The following SHANK2 variants were observed in gnomAD, a reference collection of about 807,000 sequenced individuals.
The protein encoded by SHANK2 is SH3 and multiple ankyrin repeat domains 2.
In SHANK2, 43 loss-of-function variants were observed where a neutral mutation model predicts 133.7. The observed-to-expected ratio is 0.32, with a 90% CI of 0.25 to 0.41. The LOEUF (loss-of-function observed/expected upper bound fraction) is 0.41. SHANK2 is among the 10% of genes least tolerant of loss of function. SHANK2 has a pLI of 1.00. For synonymous variants in SHANK2, 1,017 were observed against 952.8 expected (o/e 1.07, Z -1.24); for missense variants, 1,994 against 2,235.8 (o/e 0.89, Z 2.18).
chr11:71,185,138 G>C (rs1284541346), intron 2 of SHANK2, among the ~76,000 whole-genome samples: 4 of 152,124 alleles, frequency 2.6e-5, no homozygotes, highest in Non-Finnish European at 4.4e-5. Flanking sequence ...ACCATTATAG[G>C]CTACCATGAT....
intron 17 of SHANK2, among the ~76,000 whole-genome samples, chr11:70,564,990 T>C (rs2059950716): frequency 6.6e-6 from 1 of 152,246 alleles, no homozygotes; most frequent in South Asian, 2.1e-4. Flanking sequence ...ATGATTCTTT[T>C]AATATCCTTG....
At position 71,210,214 on chromosome 11, in the gene SHANK2, A is replaced by ATATATG. The variant is rs1954229537; in HGVS notation, c.-13+14482_-13+14483insCATATA. ...CTCTTCATTGGAAATCCACAGGTAT[A>ATATATG]TATATATATATATATATATATATAT... On this transcript the variant is annotated intron_variant, in intron 2 of 25. Transcript: ENST00000601538. 3.0e-4 allele frequency among the ~76,000 whole-genome samples: 9 copies of ATATATG among 29,852 alleles called. No homozygotes were observed. In the East Asian group the frequency reaches 3.0e-3, roughly 10 times the overall value. The allele number at this position is 29,852 out of a possible 152,430, so 19.6% of individuals were successfully genotyped here.
intron 11 of SHANK2, among the ~76,000 whole-genome samples, chr11:70,827,373 T>C (rs1590732291): frequency 6.6e-6 from 1 of 151,988 alleles, no homozygotes; most frequent in African/African-American, 2.4e-5. Flanking sequence ...AGGGTCACTT[T>C]AGGCATTTCC....
At chr11:70,676,798 A>G (rs2134360218) in intron 15 of SHANK2, among the ~76,000 whole-genome samples, 1 of 152,272 alleles carries the variant, frequency 6.6e-6, no homozygotes, top group East Asian at 1.9e-4. Context: ...CAAGGACTCT[A>G]GTCATTGGCA....
chr11:70,573,619 A>G (rs1302245604), intron 17 of SHANK2, among the ~76,000 whole-genome samples: 1 of 151,484 alleles, frequency 6.6e-6, no homozygotes, highest in African/African-American at 2.4e-5. Flanking sequence ...CATGAAGATG[A>G]CCCCAGTGGC....
chr11:71,196,532 T>A (rs980185698), intron 2 of SHANK2, among the ~76,000 whole-genome samples: 4 of 150,734 alleles, frequency 2.7e-5, no homozygotes, highest in Non-Finnish European at 5.9e-5. Flanking sequence ...GATCCACCCA[T>A]CTCGGCCTCC....
chr11:70,494,375 C>T (rs782281817), intron 21 of SHANK2, among the ~76,000 whole-genome samples: 1 of 152,196 alleles, frequency 6.6e-6, no homozygotes, highest in Non-Finnish European at 1.5e-5. Flanking sequence ...CTCACTGCAA[C>T]CTCCACCTCC....
At chr11:70,583,632 C>T (rs2060211763) in intron 17 of SHANK2, among the ~76,000 whole-genome samples, 4 of 152,220 alleles carry the variant, frequency 2.6e-5, no homozygotes, top group Non-Finnish European at 1.5e-5. Flanking sequence ...ATCCCAAATT[C>T]ACTGGGGTTG....
intron 14 of SHANK2, among the ~76,000 whole-genome samples, chr11:70,717,492 C>T (rs1357468810): frequency 2.0e-5 from 3 of 152,166 alleles, no homozygotes; most frequent in Non-Finnish European, 4.4e-5. Flanking sequence ...GAAACAATAG[C>T]CTCGGGGCGC....
At chr11:70,553,058 A>G (rs1316349170) in intron 17 of SHANK2, among the ~76,000 whole-genome samples, 2 of 152,002 alleles carry the variant, frequency 1.3e-5, no homozygotes, top group Non-Finnish European at 2.9e-5. Flanking sequence ...ATATCGGATT[A>G]AGGCCCCCTC....
chr11:70,542,746 C>A (rs1565114343), intron 17 of SHANK2, among the ~76,000 whole-genome samples: 1 of 152,298 alleles, frequency 6.6e-6, no homozygotes, highest in East Asian at 1.9e-4. Flanking sequence ...CCCAAAGAAG[C>A]ATTTTCACAA....
At chr11:70,940,367 C>T (rs1950630893) in intron 10 of SHANK2, among the ~76,000 whole-genome samples, 1 of 151,700 alleles carries the variant, frequency 6.6e-6, no homozygotes, top group South Asian at 2.1e-4. Context: ...CTGCCTTAGC[C>T]TCCTGAGTAG....
chr11:70,848,671 C>T (rs782784265), intron 11 of SHANK2, among the ~76,000 whole-genome samples: 19 of 152,168 alleles, frequency 1.2e-4, no homozygotes, highest in Admixed American at 3.3e-4. Context: ...AGAGCAGCCA[C>T]GGCACTCACT....
At chr11:70,568,465 T>G (rs1198097480) in intron 17 of SHANK2, among the ~76,000 whole-genome samples, 1 of 152,158 alleles carries the variant, frequency 6.6e-6, no homozygotes, top group Non-Finnish European at 1.5e-5. Flanking sequence ...ACTCATTTAA[T>G]GGATTCTTGG....
chr11:70,477,151 C>A (rs545615870), intron 25 of SHANK2: 1 of 152,286 alleles, frequency 6.6e-6, no homozygotes, highest in Admixed American at 6.5e-5. Flanking sequence ...GTGGCACTTA[C>A]TTCTGTTCAG....
At chr11:70,590,354 T>C (rs117711190) in intron 17 of SHANK2, among the ~76,000 whole-genome samples, 3,205 of 152,314 alleles carry the variant, frequency 0.021, 67 homozygotes, top group Non-Finnish European at 0.027. Flanking sequence ...GGATTGAGAA[T>C]ATTCCATAAG....
intron 14 of SHANK2, 69 bp downstream of exon 14, chr11:70,798,374 C>A (rs1947965486): frequency 4.2e-6 from 3 of 709,206 alleles, no homozygotes; most frequent in Non-Finnish European, 7.8e-6. Flanking sequence ...TTGCCACGGA[C>A]AACACCGACC....
chr11:70,544,419 G>A (rs1168165040), intron 17 of SHANK2, among the ~76,000 whole-genome samples: 1 of 152,236 alleles, frequency 6.6e-6, no homozygotes, highest in African/African-American at 2.4e-5. Context: ...TTTGGAGGGG[G>A]GCAAGGCTAC....
intron 11 of SHANK2, among the ~76,000 whole-genome samples, chr11:70,837,102 T>A (rs1948830236): frequency 6.6e-6 from 1 of 152,198 alleles, no homozygotes; most frequent in Non-Finnish European, 1.5e-5. Context: ...ATCTTGGACT[T>A]CCCTCAGAAC....
Sources: gnomAD v4.1 joint callset for allele counts (sites outside exome capture counted in the v4.1 genomes callset) on GRCh38, gnomAD v4.1.1 for gene constraint, MANE v1.5 for transcripts, NCBI Gene and HGNC (gene_info 2026-07-23, HGNC 2026-07-21) for gene names.